CRTAC1: variants seen among roughly 807,000 people sequenced by gnomAD.
CRTAC1 encodes acidic secreted protein in cartilage.
In CRTAC1, 37 loss-of-function variants were observed where a neutral mutation model predicts 67.8. The observed-to-expected ratio is 0.55, with a 90% CI of 0.42 to 0.72. The LOEUF is 0.72. CRTAC1 is among the 30% of genes least tolerant of loss of function. The pLI is 0.00. For missense variants in CRTAC1, 780 were observed against 931.6 expected, an observed-to-expected ratio of 0.84 and a Z score of 2.12; for synonymous variants, 348 against 371.0, an observed-to-expected ratio of 0.94 and a Z score of 0.71.
rs1453293117 is a variant in CRTAC1, at chr10:98,011,162, C to G, written c.200G>C (p.Gly67Ala). 6 of 1,614,140 alleles carry G rather than the reference C, an allele frequency of 3.7e-6. No individual in the cohort carries two copies. Among genetic ancestry groups the G allele is most frequent in the Non-Finnish European group, 5.1e-6 (6 of 1,180,010 alleles). Residue 67 changes from glycine to alanine, a missense_variant, in exon 2 of 15, where the codon GGG (glycine) becomes GCG (alanine). By Grantham distance (60) the Gly-to-Ala change is moderately conservative (BLOSUM62 0). Transcript: ENST00000370597. ...CCCCGCCACGACGATCTCAAAGTCC[C>G]CATCATGGTCCACATCAGTAACTGC... is the stretch of plus-strand genomic sequence containing the variant. Reference protein sequence around the residue: ...GVAVTDVDHDGDFEIVVAGYN... With the variant: ...GVAVTDVDHDADFEIVVAGYN...
At chr10:97,978,737 C>T (rs1383371447) in intron 2 of CRTAC1, among the ~76,000 whole-genome samples, 3 of 152,176 alleles carry the variant, frequency 2.0e-5, no homozygotes, top group African/African-American at 7.2e-5. Context: ...CTGCTCCTCC[C>T]AGTCCAAAGC....
Position 97,975,940 on chromosome 10 carries a change from A to C in CRTAC1, c.224+35198T>G. On this transcript the variant is annotated intron_variant, in intron 2 of 14. Transcript: ENST00000370597. This position sits in a 1 kb window ranked among gnomAD's most constrained non-coding sequence, Gnocchi z 4.8. Reference sequence around the variant, plus strand: ...TGGTGTGTGGCCCGTTCCCCGAACCACATCTTACATCTTCGGGCCCCTATA... The same window carrying C: ...TGGTGTGTGGCCCGTTCCCCGAACCCCATCTTACATCTTCGGGCCCCTATA... 6.6e-6 allele frequency among the ~76,000 whole-genome samples: 1 copy of C among 152,200 alleles called. No individual in the cohort carries two copies. The highest frequency in any genetic ancestry group is 1.5e-5 in the Non-Finnish European group (1 of 68,030).
intron 2 of CRTAC1, among the ~76,000 whole-genome samples, chr10:97,988,392 C>G (rs575763957): frequency 6.6e-6 from 1 of 152,106 alleles, no homozygotes; most frequent in African/African-American, 2.4e-5. Flanking sequence ...AGACTCTGAA[C>G]GATCTCATGG....
intron 2 of CRTAC1, among the ~76,000 whole-genome samples, chr10:98,010,025 G>A (rs1842875329): frequency 6.6e-6 from 1 of 151,650 alleles, no homozygotes; most frequent in Non-Finnish European, 1.5e-5. Flanking sequence ...GCACATATTA[G>A]TGCTCAATGC....
chr10:97,884,434 C>A (rs2050254519), intron 11 of CRTAC1, 83 bp from the exon 12 acceptor site: 5 of 1,282,404 alleles, frequency 3.9e-6, no homozygotes, highest in Non-Finnish European at 5.4e-6. Flanking sequence ...CTAATTCATC[C>A]ATTGAATAAA....
chr10:97,927,599 C>T (rs1381025883), intron 3 of CRTAC1, among the ~76,000 whole-genome samples: 2 of 152,210 alleles, frequency 1.3e-5, no homozygotes, highest in African/African-American at 2.4e-5. Flanking sequence ...TCTTCAGCCT[C>T]CTGGCTCCCG....
At chr10:98,001,147 G>A (rs1049379227) in intron 2 of CRTAC1, among the ~76,000 whole-genome samples, 3 of 152,068 alleles carry the variant, frequency 2.0e-5, no homozygotes, top group African/African-American at 7.2e-5. Context: ...TAATAAATTA[G>A]CCTCTACATG....
intron 2 of CRTAC1, among the ~76,000 whole-genome samples, chr10:98,008,493 A>G (rs1842841918): frequency 6.6e-6 from 1 of 151,920 alleles, no homozygotes; most frequent in Admixed American, 6.6e-5. Flanking sequence ...CCAGACCATG[A>G]GAAGCAGAGT....
At chr10:97,911,056 C>T (rs1177972638) in intron 5 of CRTAC1, among the ~76,000 whole-genome samples, 1 of 152,182 alleles carries the variant, frequency 6.6e-6, no homozygotes, top group Non-Finnish European at 1.5e-5. Context: ...GGGTCACAAC[C>T]TGGGCACCAC....
chr10:98,014,996 C>G (rs1358862651), intron 1 of CRTAC1, among the ~76,000 whole-genome samples: 2 of 152,092 alleles, frequency 1.3e-5, no homozygotes, highest in African/African-American at 4.8e-5. Context: ...ATTTGTATAC[C>G]CATGTTCATA....
chr10:97,948,127 C>G (rs992306532), intron 2 of CRTAC1, among the ~76,000 whole-genome samples: 1 of 145,284 alleles, frequency 6.9e-6, no homozygotes, highest in Non-Finnish European at 1.5e-5. Flanking sequence ...AAAAAAAACT[C>G]TTCTGAGCTA....
chr10:97,916,876 A>T (rs1335211713), intron 5 of CRTAC1, among the ~76,000 whole-genome samples: 1 of 152,204 alleles, frequency 6.6e-6, no homozygotes, highest in Non-Finnish European at 1.5e-5. Flanking sequence ...TTAGAAAAAC[A>T]GCCTTCCCTA....
intron 2 of CRTAC1, among the ~76,000 whole-genome samples, chr10:97,994,521 A>G (rs1351681400): frequency 6.6e-6 from 1 of 152,106 alleles, no homozygotes; most frequent in Non-Finnish European, 1.5e-5. Context: ...ACTGAAGGAG[A>G]GCTTCAGGGG....
chr10:97,955,952 A>G (rs981564320), intron 2 of CRTAC1, among the ~76,000 whole-genome samples: 2 of 152,198 alleles, frequency 1.3e-5, no homozygotes, highest in African/African-American at 2.4e-5. Flanking sequence ...AGATTTATTT[A>G]TTGACATTTG....
chr10:97,919,802 T>C (rs1480257854), intron 4 of CRTAC1, among the ~76,000 whole-genome samples: 1 of 87,204 alleles, frequency 1.1e-5, no homozygotes, highest in Non-Finnish European at 2.3e-5. Context: ...AGGGTCTCCC[T>C]CTGTCACTCA....
intron 2 of CRTAC1, among the ~76,000 whole-genome samples, chr10:98,004,284 G>A (rs1032268585): frequency 5.9e-5 from 9 of 152,188 alleles, no homozygotes; most frequent in African/African-American, 2.2e-4. Flanking sequence ...AAGTGCTGAA[G>A]TTCCTCAATT....
At chr10:98,003,043 A>G (rs1842724120) in intron 2 of CRTAC1, among the ~76,000 whole-genome samples, 2 of 151,782 alleles carry the variant, frequency 1.3e-5, no homozygotes, top group Non-Finnish European at 2.9e-5. Flanking sequence ...TCAGCCTCCC[A>G]AAGTGCTGGG....
At chr10:97,865,791 G>A (rs371879673) in intron 14 of CRTAC1, 77 bp from the exon 15 acceptor site, 4 of 1,165,132 alleles carry the variant, frequency 3.4e-6, no homozygotes, top group South Asian at 2.9e-5. Flanking sequence ...CCGCTTCTGA[G>A]TCATTCTTTG....
intron 11 of CRTAC1, among the ~76,000 whole-genome samples, chr10:97,894,436 A>C (rs34983617): frequency 0.2 from 29,907 of 151,376 alleles, 3,013 homozygotes; most frequent in African/African-American, 0.24. Context: ...TCACTCCAGC[A>C]TAGGCTGGAG....
Sources: allele counts gnomAD v4.1 joint callset (sites outside exome capture counted in the v4.1 genomes callset), GRCh38; gene constraint gnomAD v4.1.1; non-coding constraint Gnocchi (gnomAD v3.1); transcripts MANE v1.5; gene names NCBI Gene and HGNC (gene_info 2026-07-23, HGNC 2026-07-21).